MTCL1: variants seen among roughly 807,000 people sequenced by gnomAD.
MTCL1 encodes microtubule crosslinking factor 1, also known as microtubule cross-linking factor 1.
In MTCL1, 79 loss-of-function variants were observed where a neutral mutation model predicts 141.4. The observed-to-expected ratio is 0.56, with a 90% CI of 0.47 to 0.67. MTCL1 has a LOEUF of 0.67. Among genes scored for constraint, MTCL1 ranks in the 30% least tolerant of loss-of-function variants. The pLI is 0.00. For synonymous variants in MTCL1, 914 were observed against 875.8 expected (o/e 1.04, Z -0.77); for missense variants, 2,177 against 2,113.9 (o/e 1.03, Z -0.59).
intron 15 of MTCL1, among the ~76,000 whole-genome samples, chr18:8,826,525 T>C (rs909489821): frequency 1.3e-5 from 2 of 152,232 alleles, no homozygotes; most frequent in African/African-American, 4.8e-5. Flanking sequence ...TATCAGGGCA[T>C]TTTATTTGGG....
intron 4 of MTCL1, among the ~76,000 whole-genome samples, chr18:8,773,097 A>G (rs2096491538): frequency 1.3e-5 from 2 of 152,140 alleles, no homozygotes; most frequent in Admixed American, 1.3e-4. Context: ...CCTCCATAGT[A>G]CTCACTCACG....
chr18:8,749,109 G>A (rs1392496759), intron 4 of MTCL1, among the ~76,000 whole-genome samples: 1 of 152,212 alleles, frequency 6.6e-6, no homozygotes, highest in East Asian at 1.9e-4. Flanking sequence ...GCATTAAAAG[G>A]TGGAGCCTTC....
chr18:8,814,906 T>C (rs1385817378), intron 12 of MTCL1, among the ~76,000 whole-genome samples: 2 of 152,182 alleles, frequency 1.3e-5, no homozygotes, highest in Non-Finnish European at 2.9e-5. Context: ...GAATTTCTAG[T>C]AAAGGAAAAA....
chr18:8,715,109 G>T (rs1249488), upstream of MTCL1, among the ~76,000 whole-genome samples: 107,661 of 152,120 alleles, frequency 0.71, 38,855 homozygotes, highest in African/African-American at 0.86. Flanking sequence ...AATTTTATTT[G>T]CAGTACAACT....
chr18:8,798,282 C>A, exon 10 of MTCL1: 1 of 1,541,814 alleles, frequency 6.5e-7, no homozygotes, highest in Non-Finnish European at 8.7e-7. Flanking sequence ...GGGGACAGCC[C>A]CACAAACAGG....
chr18:8,824,848 A>G, exon 15 of MTCL1: 1 of 1,614,124 alleles, frequency 6.2e-7, no homozygotes, highest in Non-Finnish European at 8.5e-7. Flanking sequence ...GAGGAGTTCA[A>G]CAAGAGCTGG....
rs188623385 is a variant in MTCL1 at position 8,797,436 on chromosome 18, G to A, written c.2242-661G>A. ...TTGTATTGATTAAGTCAGAGTGGCC[G>A]TTTGCACTGCAGGCTCCTTCCTGGC... On this transcript the variant is annotated intron_variant, in intron 9 of 16. Transcript: ENST00000359865. Among the ~76,000 whole-genome samples the A allele has an allele frequency of 8.2e-4, 125 of 152,336 alleles. No homozygotes were observed. The East Asian group carries it at 0.015, about 18-fold the overall frequency.
chr18:8,784,625 G>A lies in MTCL1; in HGVS notation c.1513G>A (p.Asp505Asn), dbSNP rs1398150492. 5 of 1,613,722 alleles carry A rather than the reference G, an allele frequency of 3.1e-6. No homozygotes were observed. In the South Asian group the frequency reaches 5.5e-5, roughly 18 times the overall value. Residue 505 changes from aspartate to asparagine, a missense_variant, in exon 6 of 17, where the codon GAC becomes AAC. By Grantham distance (23) the Asp-to-Asn change is conservative (BLOSUM62 1). Transcript: ENST00000359865. ...GGGCGAAGAGGAGCAGGGTGAGGGG[G>A]ACCAGCAGGAGCCCCAGCTGCTGGG...
At chr18:8,809,102 G>T (rs187881151) in intron 11 of MTCL1, among the ~76,000 whole-genome samples, 79 of 146,814 alleles carry the variant, frequency 5.4e-4, no homozygotes, top group African/African-American at 1.9e-3. Flanking sequence ...TGAGGGGAAA[G>T]AATAATTTTA....
exon 11 of MTCL1, chr18:8,806,962 G>A: frequency 6.2e-7 from 1 of 1,613,800 alleles, no homozygotes; most frequent in South Asian, 1.1e-5. Flanking sequence ...GGAGCTGCGG[G>A]AGGATGAGCG....
intron 4 of MTCL1, among the ~76,000 whole-genome samples, chr18:8,757,844 G>A (rs533788345): frequency 3.7e-4 from 56 of 152,228 alleles, no homozygotes; most frequent in African/African-American, 1.3e-3. Flanking sequence ...AAAATGTATG[G>A]TTCTTTTGAC....
Position 8,764,320 on chromosome 18 carries a change from C to CTT in MTCL1, c.358-13500_358-13499dup, listed in dbSNP as rs765641846. On this transcript the variant is annotated intron_variant, in intron 4 of 16. Transcript: ENST00000359865. ...TTATATAAGGAAGGTACTATTCTCA[C>CTT]TTTTTTTTTTTTTTGAGACAGAGTT... 3.5e-5 allele frequency among the ~76,000 whole-genome samples: 5 copies of CTT among 143,764 alleles called. No homozygotes were observed. In the East Asian group the frequency reaches 6.0e-4, roughly 17 times the overall value. The allele number at this position is 143,764 out of a possible 152,430, so 94.3% of individuals were successfully genotyped here.
At chr18:8,710,797 CTGA>C (rs2096084304) in intron 1 of MTCL1, among the ~76,000 whole-genome samples, 1 of 126,648 alleles carries the variant, frequency 7.9e-6, no homozygotes, top group Non-Finnish European at 1.6e-5. Flanking sequence ...AGGGCAATGT[CTGA>C]TAAAGGAGGG....
At chr18:8,705,602 G>C (rs2096056179), upstream of MTCL1, 4 of 1,205,426 alleles carry the variant, frequency 3.3e-6, no homozygotes, top group Non-Finnish European at 4.1e-6. The surrounding 1 kb of genome is among the most constrained non-coding windows in gnomAD (Gnocchi z 5.2). Flanking sequence ...CGCCGCCGCC[G>C]CCGCCGCCGT....
intron 8 of MTCL1, among the ~76,000 whole-genome samples, chr18:8,795,878 G>C (rs1303675384): frequency 1.3e-5 from 2 of 152,186 alleles, no homozygotes; most frequent in African/African-American, 4.8e-5. Flanking sequence ...GTACAGAGGG[G>C]AAGTGGAATC....
intron 4 of MTCL1, among the ~76,000 whole-genome samples, chr18:8,768,994 C>T (rs1365732473): frequency 6.6e-6 from 1 of 152,048 alleles, no homozygotes; most frequent in African/African-American, 2.4e-5. Flanking sequence ...GGGGTTTCAC[C>T]ATGTTGGCCT....
At chr18:8,722,736 G>A (rs2096181609) in intron 4 of MTCL1, among the ~76,000 whole-genome samples, 2 of 152,198 alleles carry the variant, frequency 1.3e-5, no homozygotes. Context: ...AAGAAGATTT[G>A]AGTATAAGTG....
chr18:8,771,349 C>A (rs560591477), intron 4 of MTCL1, among the ~76,000 whole-genome samples: 1 of 152,182 alleles, frequency 6.6e-6, no homozygotes, highest in African/African-American at 2.4e-5. Context: ...ACCTCTGCAC[C>A]TTCATTTCCT....
At chr18:8,741,808 C>G (rs1368770782) in intron 4 of MTCL1, among the ~76,000 whole-genome samples, 1 of 152,178 alleles carries the variant, frequency 6.6e-6, no homozygotes, top group South Asian at 2.1e-4. Context: ...TTAAATGGCT[C>G]TTGAAACAAG....
Sources: allele counts gnomAD v4.1 joint callset (sites outside exome capture counted in the v4.1 genomes callset), GRCh38; gene constraint gnomAD v4.1.1; non-coding constraint Gnocchi (gnomAD v3.1); transcripts MANE v1.5; gene names NCBI Gene and HGNC (gene_info 2026-07-23, HGNC 2026-07-21).